Variants in CATSPERE observed in about 807,000 individuals in gnomAD.
CATSPERE encodes catsper channel auxiliary subunit epsilon.
In CATSPERE, 93 loss-of-function variants were observed where a neutral mutation model predicts 114.1. That is an observed-to-expected ratio of 0.81 (90% confidence interval 0.69 to 0.97). The LOEUF is 0.97. Among genes scored for constraint, CATSPERE ranks in the 50% least tolerant of loss-of-function variants. The probability of loss-of-function intolerance (pLI) is 0.00; values close to 1 mark genes in which losing one functional copy is unlikely to be tolerated. For missense variants in CATSPERE, 1,058 were observed against 1,131.6 expected, an observed-to-expected ratio of 0.93 and a Z score of 0.93; for synonymous variants, 341 against 384.1, an observed-to-expected ratio of 0.89 and a Z score of 1.31.
At chr1:244,493,941 G>C (rs1250122529) in intron 6 of CATSPERE, among the ~76,000 whole-genome samples, 1 of 152,150 alleles carries the variant, frequency 6.6e-6, no homozygotes, top group Non-Finnish European at 1.5e-5. Flanking sequence ...TCATTAAAAA[G>C]TCAGGAAACA....
intron 8 of CATSPERE, among the ~76,000 whole-genome samples, chr1:244,528,032 T>G (rs1439487880): frequency 6.6e-6 from 1 of 152,232 alleles, no homozygotes; most frequent in African/African-American, 2.4e-5. Flanking sequence ...CATGGTGGTT[T>G]GCTGCACAGA....
chr1:244,470,085 G>A (rs995348076), intron 2 of CATSPERE, among the ~76,000 whole-genome samples: 1 of 152,100 alleles, frequency 6.6e-6, no homozygotes, highest in African/African-American at 2.4e-5. Flanking sequence ...AGCTAAAACT[G>A]TAAAACATAT....
intron 20 of CATSPERE, among the ~76,000 whole-genome samples, chr1:244,629,018 T>C (rs1673561420): frequency 6.6e-6 from 1 of 152,226 alleles, no homozygotes; most frequent in Non-Finnish European, 1.5e-5. Flanking sequence ...CCAGGTTTCA[T>C]GGTTACTTGG....
rs117226931 is a variant in CATSPERE at position 244,611,903 on chromosome 1, C to T, written c.2490+1577C>T. Among the ~76,000 whole-genome samples the T allele has an allele frequency of 1.5e-3, 225 of 152,304 alleles. 2 individuals carry two copies. The East Asian group carries it at 0.032, about 22-fold the overall frequency. The stretch of plus-strand genomic sequence containing the variant: ...ACAATGGTTCTCAAACTTTAGCATA[C>T]ATCAGAATCTCCAAAAGACCTTGTT... On this transcript the variant is annotated intron_variant, in intron 19 of 21. Coordinates refer to ENST00000366534, the MANE Select transcript of CATSPERE (RefSeq NM_001130957.2).
chr1:244,631,113 T>C (rs1435196839), intron 20 of CATSPERE, among the ~76,000 whole-genome samples: 2 of 152,182 alleles, frequency 1.3e-5, no homozygotes, highest in African/African-American at 4.8e-5. Context: ...AACGTGTTTG[T>C]TGAGATGGAG....
chr1:244,484,352 C>T (rs1036771661), intron 5 of CATSPERE, among the ~76,000 whole-genome samples: 3 of 152,068 alleles, frequency 2.0e-5, no homozygotes, highest in African/African-American at 4.8e-5. Context: ...TATGGAGAAG[C>T]AAAAGACTCC....
At chr1:244,503,997 T>C (rs933421018) in intron 7 of CATSPERE, among the ~76,000 whole-genome samples, 6 of 152,238 alleles carry the variant, frequency 3.9e-5, no homozygotes, top group Admixed American at 3.3e-4. Context: ...CCTGGAGATA[T>C]TTCATGCTTA....
rs1663955358 is a variant in CATSPERE, at chr1:244,568,592, TG to T, written c.1508-3737del. Among the ~76,000 whole-genome samples, 1 of 152,220 alleles carries T rather than the reference TG, an allele frequency of 6.6e-6. No individual in the cohort carries two copies. On this transcript the variant is annotated intron_variant, in intron 10 of 21. Coordinates refer to ENST00000366534, the MANE Select transcript of CATSPERE (RefSeq NM_001130957.2). This position sits in a 1 kb window ranked among gnomAD's most constrained non-coding sequence, Gnocchi z 4.4. ...TCTGGCTATGGCAGCTGTGCCGAGC[TG>T]TGGTGGGCTCCGCCCAGTTAGAACT...
At position 244,602,917 on chromosome 1, in the gene CATSPERE, T is replaced by G. The variant is rs181008031; in HGVS notation, c.2304-2778T>G. 3.2e-3 allele frequency among the ~76,000 whole-genome samples: 479 copies of G among 152,054 alleles called. 2 individuals carry two copies. The highest frequency in any genetic ancestry group is 4.3e-3 in the Non-Finnish European group (294 of 67,962). On this transcript the variant is annotated intron_variant, in intron 17 of 21. Coordinates refer to ENST00000366534, the MANE Select transcript of CATSPERE (RefSeq NM_001130957.2). Reference sequence around the variant, plus strand: ...AAGGCATGCTCCATGGGGCCACACATGGAAACATCAGGGTCAGTCAGGAGG... The same window carrying G: ...AAGGCATGCTCCATGGGGCCACACAGGGAAACATCAGGGTCAGTCAGGAGG...
chr1:244,484,735 C>G (rs1012177594), intron 5 of CATSPERE, among the ~76,000 whole-genome samples: 5 of 152,164 alleles, frequency 3.3e-5, no homozygotes, highest in Non-Finnish European at 4.4e-5. Context: ...CATTTCTTTG[C>G]TCAACAATGC....
chr1:244,500,358 A>G (rs1432551509), intron 7 of CATSPERE, among the ~76,000 whole-genome samples: 3 of 151,966 alleles, frequency 2.0e-5, no homozygotes, highest in African/African-American at 7.3e-5. Flanking sequence ...ATTAGATCCC[A>G]TTTGTCAATT....
intron 17 of CATSPERE, among the ~76,000 whole-genome samples, chr1:244,594,921 C>T (rs976506527): frequency 2.0e-5 from 3 of 152,128 alleles, no homozygotes; most frequent in Admixed American, 1.3e-4. Context: ...TGCTATCCAG[C>T]TAATCTGCTT....
At chr1:244,582,295 C>CATGGA (rs1392354405) in intron 12 of CATSPERE, among the ~76,000 whole-genome samples, 2 of 152,158 alleles carry the variant, frequency 1.3e-5, no homozygotes, top group African/African-American at 4.8e-5. Flanking sequence ...AGACAACCAA[C>CATGGA]ATGGAATTCT....
chr1:244,610,143 A>G (rs921016175), intron 18 of CATSPERE, 97 bp from the exon 19 acceptor site: 8 of 770,692 alleles, frequency 1.0e-5, no homozygotes, highest in East Asian at 8.1e-5. Context: ...AGTTTTAAAA[A>G]TACAAAATTT....
chr1:244,477,619 G>A lies in CATSPERE; in HGVS notation c.188+5G>A. On this transcript the variant is annotated splice_donor_5th_base_variant and intron_variant, in intron 3 of 21. Transcript: ENST00000366534. ...TTGTTTTGTGCTAAATAAAAGGTAA[G>A]ATTTATGCCATGAATATCAATGTAT... The A allele has an allele frequency of 6.5e-7, 1 of 1,549,086 alleles. No homozygotes were observed. The highest frequency in any genetic ancestry group is 8.9e-7 in the Non-Finnish European group (1 of 1,123,006).
intron 9 of CATSPERE, among the ~76,000 whole-genome samples, chr1:244,558,166 G>A (rs1449370382): frequency 3.2e-5 from 4 of 125,450 alleles, no homozygotes; most frequent in African/African-American, 1.2e-4. Flanking sequence ...TTGAGACGGA[G>A]TTTTACTCTT....
intron 2 of CATSPERE, among the ~76,000 whole-genome samples, chr1:244,473,440 AAG>A (rs1387360393): frequency 6.6e-6 from 1 of 152,048 alleles, no homozygotes; most frequent in Non-Finnish European, 1.5e-5. Context: ...CCCATTTTTA[AAG>A]ATGGGTTTTC....
At chr1:244,500,751 T>C (rs1265851735) in intron 7 of CATSPERE, among the ~76,000 whole-genome samples, 1 of 152,182 alleles carries the variant, frequency 6.6e-6, no homozygotes, top group Non-Finnish European at 1.5e-5. Context: ...ACTGTAGCTT[T>C]GTAGTATAGT....
At chr1:244,581,189 T>A (rs569275842) in intron 11 of CATSPERE, among the ~76,000 whole-genome samples, 1 of 152,178 alleles carries the variant, frequency 6.6e-6, no homozygotes, top group African/African-American at 2.4e-5. Flanking sequence ...ATTTTTGTCT[T>A]GCTTTTGTCT....
Sources: gnomAD v4.1 joint callset for allele counts (sites outside exome capture counted in the v4.1 genomes callset) on GRCh38, gnomAD v4.1.1 for gene constraint, Gnocchi (gnomAD v3.1) non-coding constraint, MANE v1.5 for transcripts, NCBI Gene and HGNC (gene_info 2026-07-23, HGNC 2026-07-21) for gene names.